The following STXBP4 variants were observed in gnomAD, a reference collection of about 807,000 sequenced individuals.
The protein encoded by STXBP4 is syntaxin-binding protein 4.
STXBP4 carries 55 observed loss-of-function variants against 76.1 expected under a neutral mutation model. That is an observed-to-expected ratio of 0.72 (90% CI 0.58 to 0.91). The LOEUF is 0.91. STXBP4 is among the 40% of genes least tolerant of loss of function. The probability of loss-of-function intolerance (pLI) is 0.00; values close to 1 mark genes in which losing one functional copy is unlikely to be tolerated. For missense variants in STXBP4, 618 were observed against 636.9 expected (o/e 0.97, Z 0.32); for synonymous variants, 201 against 220.2 (o/e 0.91, Z 0.77).
chr17:55,002,910 T>C (rs771588252), intron 7 of STXBP4, among the ~76,000 whole-genome samples: 10 of 152,186 alleles, frequency 6.6e-5, no homozygotes, highest in Non-Finnish European at 1.3e-4. Context: ...AACCTATAGC[T>C]TAGAGTGTAG....
chr17:55,113,995 A>G (rs244361), intron 16 of STXBP4, among the ~76,000 whole-genome samples: 98,741 of 151,890 alleles, frequency 0.65, 33,185 homozygotes, highest in African/African-American at 0.83. Context: ...CCTATGAAAT[A>G]GAAGAACAAC....
chr17:55,035,793 G>T (rs2078590974), intron 10 of STXBP4, among the ~76,000 whole-genome samples: 1 of 151,796 alleles, frequency 6.6e-6, no homozygotes, highest in East Asian at 1.9e-4. Context: ...GGAATTTCTG[G>T]ACTCTTTATT....
chr17:55,142,124 TAGA>T (rs2080100825), intron 17 of STXBP4, among the ~76,000 whole-genome samples: 1 of 152,228 alleles, frequency 6.6e-6, no homozygotes, highest in African/African-American at 2.4e-5. Flanking sequence ...CTATCTGCAC[TAGA>T]CTGTCACTGA....
intron 1 of STXBP4, among the ~76,000 whole-genome samples, chr17:54,981,528 A>C (rs2077551110): frequency 6.6e-6 from 1 of 152,130 alleles, no homozygotes; most frequent in South Asian, 2.1e-4. Context: ...TCTTCTTGGG[A>C]AAAATATGAG....
intron 8 of STXBP4, among the ~76,000 whole-genome samples, chr17:55,011,843 C>A (rs1426996376): frequency 3.9e-5 from 6 of 151,992 alleles, no homozygotes; most frequent in Non-Finnish European, 5.9e-5. Context: ...GTCTCTCAGT[C>A]CCCCCTCTCA....
Position 55,162,734 on chromosome 17 carries a change from A to G in STXBP4, c.*2823A>G, listed in dbSNP as rs982987502. 2.0e-5 allele frequency: 3 copies of G among 152,220 alleles called. No homozygotes were observed. The highest frequency in any genetic ancestry group is 2.9e-5 in the Non-Finnish European group (2 of 68,040). 9.4% of individuals were successfully genotyped at this position (152,220 alleles called of 1,614,324 possible). Reference sequence around the variant, plus strand: ...GTCTCACTTTCCAGAGGTAGCAGTCACTAATACTGTGGTGAGTGATTTTAC... The same window carrying G: ...GTCTCACTTTCCAGAGGTAGCAGTCGCTAATACTGTGGTGAGTGATTTTAC... On this transcript the variant is annotated 3_prime_UTR_variant, in exon 18 of 18. Transcript: ENST00000376352.
At chr17:55,128,236 G>T (rs1470437019) in intron 16 of STXBP4, among the ~76,000 whole-genome samples, 1 of 152,176 alleles carries the variant, frequency 6.6e-6, no homozygotes, top group Non-Finnish European at 1.5e-5. Flanking sequence ...CATTATACCA[G>T]ATCTCTGACA....
At chr17:55,027,093 C>G (rs952293402) in intron 8 of STXBP4, among the ~76,000 whole-genome samples, 1 of 152,200 alleles carries the variant, frequency 6.6e-6, no homozygotes. Context: ...ACCTGCTACT[C>G]CCTACTCCCT....
At chr17:55,139,145 T>G (rs1383184065) in intron 16 of STXBP4, among the ~76,000 whole-genome samples, 1 of 152,104 alleles carries the variant, frequency 6.6e-6, no homozygotes, top group East Asian at 1.9e-4. Flanking sequence ...CCTTTATAAG[T>G]CTGTTATAAA....
At chr17:55,194,529 A>G in the STXBP4 span, among the ~76,000 whole-genome samples, 1 of 152,220 alleles carries the variant, frequency 6.6e-6, no homozygotes, top group South Asian at 2.1e-4. Flanking sequence ...CGGTCTAAAT[A>G]TGATTACATG....
intron 17 of STXBP4, among the ~76,000 whole-genome samples, chr17:55,142,113 A>G (rs1032322344): frequency 1.3e-5 from 2 of 152,214 alleles, no homozygotes; most frequent in Non-Finnish European, 2.9e-5. Context: ...GCAAGATTCT[A>G]CTATCTGCAC....
At chr17:55,045,811 GAAGCCATATAAAGTAGTGTAC>G (rs1567735948) in intron 11 of STXBP4, among the ~76,000 whole-genome samples, 1 of 152,112 alleles carries the variant, frequency 6.6e-6, no homozygotes, top group East Asian at 1.9e-4. Context: ...GCCAGTTAAA[GAAGCCATATAAAGTAGTGTAC>G]AAAGCAATAA....
At chr17:55,097,366 A>G (rs17817628) in intron 16 of STXBP4, among the ~76,000 whole-genome samples, 46,848 of 152,148 alleles carry the variant, frequency 0.31, 7,625 homozygotes, top group East Asian at 0.55. Context: ...ACATTTGTAA[A>G]AAATTGCCTG....
chr17:55,108,953 T>C (rs1280674619), intron 16 of STXBP4, among the ~76,000 whole-genome samples: 1 of 152,180 alleles, frequency 6.6e-6, no homozygotes, highest in Admixed American at 6.5e-5. Context: ...CCCCCAAAAT[T>C]TGGCTTTATT....
chr17:55,121,017 G>A (rs2079837920), intron 16 of STXBP4, among the ~76,000 whole-genome samples: 1 of 152,076 alleles, frequency 6.6e-6, no homozygotes, highest in African/African-American at 2.4e-5. Flanking sequence ...TATACATGCT[G>A]GTTTTTCCTC....
At chr17:55,044,944 G>A (rs888696985) in intron 11 of STXBP4, among the ~76,000 whole-genome samples, 5 of 150,476 alleles carry the variant, frequency 3.3e-5, no homozygotes, top group African/African-American at 1.2e-4. Context: ...TTCAATAACT[G>A]TCCTATACAT....
chr17:55,176,636 T>G (rs1176359873), downstream of STXBP4, among the ~76,000 whole-genome samples: 2 of 152,204 alleles, frequency 1.3e-5, no homozygotes, highest in African/African-American at 4.8e-5. Flanking sequence ...TGTGTCAGTT[T>G]TACTGTGTTG....
chr17:55,210,681 A>G, the STXBP4 span, among the ~76,000 whole-genome samples: 95 of 152,330 alleles, frequency 6.2e-4, 1 homozygote, highest in East Asian at 0.013. Flanking sequence ...TGTGTATACT[A>G]TGTGTATTTC....
chr17:55,071,375 C>T (rs1249734022), intron 12 of STXBP4, among the ~76,000 whole-genome samples: 1 of 152,076 alleles, frequency 6.6e-6, no homozygotes. Context: ...CTGGACCCTA[C>T]TACTCCTACC....
Sources: allele counts gnomAD v4.1 joint callset (sites outside exome capture counted in the v4.1 genomes callset), GRCh38; gene constraint gnomAD v4.1.1; transcripts MANE v1.5; gene names NCBI Gene and HGNC (gene_info 2026-07-23, HGNC 2026-07-21).